The following POLA1 variants were observed in gnomAD, a reference collection of about 807,000 sequenced individuals.
POLA1 encodes the protein DNA polymerase alpha catalytic subunit.
Under a neutral mutation model 124.0 loss-of-function variants are expected in POLA1, and 15 were observed. That is an observed-to-expected ratio of 0.12 (90% CI 0.08 to 0.19). The LOEUF is 0.19. POLA1 is among the 10% of genes least tolerant of loss of function. POLA1 has a pLI of 1.00. For missense variants in POLA1, 886 were observed against 1,103.4 expected (o/e 0.80, Z 2.79); for synonymous variants, 408 against 389.4 (o/e 1.05, Z -0.56).
chrX:24,744,821 C>T (rs781276418), intron 23 of POLA1, among the ~76,000 whole-genome samples: 4 of 107,728 alleles, frequency 3.7e-5, no homozygotes, highest in Non-Finnish European at 5.8e-5. Flanking sequence ...CACGGTGTTG[C>T]GCGCCTGTAG....
At chrX:24,822,903 G>A (rs963017274) in intron 31 of POLA1, among the ~76,000 whole-genome samples, 6 of 111,465 alleles carry the variant, frequency 5.4e-5, no homozygotes, top group Admixed American at 1.9e-4. Context: ...TATAGGTTCA[G>A]TGAAATAGCA....
intron 36 of POLA1, among the ~76,000 whole-genome samples, chrX:24,990,505 A>G (rs928325427): frequency 1.8e-5 from 2 of 112,382 alleles, no homozygotes; most frequent in Non-Finnish European, 1.9e-5. Flanking sequence ...TCAATTATTC[A>G]TTCTCTGCAA....
chrX:24,893,545 A>G (rs1188538031), intron 35 of POLA1, among the ~76,000 whole-genome samples: 1 of 111,527 alleles, frequency 9.0e-6, no homozygotes, highest in Non-Finnish European at 1.9e-5. Flanking sequence ...AAAATTCCAT[A>G]TCTATTAAGC....
At chrX:24,841,872 A>G (rs779497131) in intron 33 of POLA1, 42 bp downstream of exon 33, 17 of 1,016,039 alleles carry the variant, frequency 1.7e-5, no homozygotes, top group Non-Finnish European at 2.2e-5. Flanking sequence ...GAACTTGTAT[A>G]AAGGCCTTAC....
intron 34 of POLA1, among the ~76,000 whole-genome samples, chrX:24,879,039 C>T (rs1255776546): frequency 9.0e-6 from 1 of 111,025 alleles, no homozygotes; most frequent in African/African-American, 3.3e-5. Context: ...TCCTTCCAGT[C>T]TTTTTTTTGT....
intron 35 of POLA1, among the ~76,000 whole-genome samples, chrX:24,901,784 TC>T (rs1337165448): frequency 1.8e-5 from 2 of 111,586 alleles, no homozygotes; most frequent in African/African-American, 6.5e-5. Context: ...GAGGAGAGAT[TC>T]CTTCTTACAG....
chrX:24,710,689 C>T (rs1266928227), intron 4 of POLA1, among the ~76,000 whole-genome samples: 30 of 80,832 alleles, frequency 3.7e-4, no homozygotes, highest in African/African-American at 1.4e-3. Flanking sequence ...TTTTTTGAGA[C>T]AGAGTCTCGC....
In POLA1 at chrX:24,742,130, A is replaced by G; in HGVS notation, c.2466+9A>G. 1 of 1,198,464 alleles carries G rather than the reference A, an allele frequency of 8.3e-7. No individual in the cohort carries two copies. The highest frequency in any genetic ancestry group is 3.0e-5 in the East Asian group (1 of 33,320). ...AGCCTCAGCAAAAACTGGTGGGTCC[A>G]AAACTGTGTAGTATTTTGTTTTCTC... On this transcript the variant is annotated intron_variant, in intron 22 of 36. Transcript: ENST00000379068.
intron 34 of POLA1, among the ~76,000 whole-genome samples, chrX:24,878,326 C>T (rs1384254437): frequency 1.8e-5 from 2 of 111,660 alleles, no homozygotes; most frequent in Non-Finnish European, 3.8e-5. Flanking sequence ...AAATACTAGT[C>T]TCTGAGCAAA....
intron 26 of POLA1, among the ~76,000 whole-genome samples, chrX:24,775,997 G>A (rs778703272): frequency 6.3e-5 from 7 of 111,545 alleles, no homozygotes; most frequent in Non-Finnish European, 1.3e-4. Flanking sequence ...GGATCTCACC[G>A]CTCTTGTAAC....
At chrX:24,914,890 A>G (rs2047508174) in intron 35 of POLA1, among the ~76,000 whole-genome samples, 1 of 112,062 alleles carries the variant, frequency 8.9e-6, no homozygotes, top group Non-Finnish European at 1.9e-5. Flanking sequence ...CCTGTGGGTT[A>G]AGGGAGATTA....
intron 34 of POLA1, among the ~76,000 whole-genome samples, chrX:24,844,106 A>G (rs1191169302): frequency 9.0e-6 from 1 of 111,568 alleles, no homozygotes; most frequent in Non-Finnish European, 1.9e-5. Context: ...ACACAAAACT[A>G]ATACTTTGTG....
intron 32 of POLA1, among the ~76,000 whole-genome samples, chrX:24,838,453 T>G (rs1441099895): frequency 2.7e-5 from 3 of 112,085 alleles, no homozygotes; most frequent in Admixed American, 1.9e-4. Flanking sequence ...GCAGGCTGCT[T>G]CTTCCTTCAT....
chrX:24,903,343 T>G (rs2047307944), intron 35 of POLA1, among the ~76,000 whole-genome samples: 2 of 112,813 alleles, frequency 1.8e-5, no homozygotes, highest in Admixed American at 1.9e-4. Flanking sequence ...TTGTTTTCTC[T>G]TCATTCTCAT....
intron 34 of POLA1, among the ~76,000 whole-genome samples, chrX:24,849,292 A>AT (rs2147076150): frequency 8.9e-6 from 1 of 112,743 alleles, no homozygotes; most frequent in South Asian, 3.7e-4. Flanking sequence ...AAGAAGGATA[A>AT]TTTTTTTAGG....
intron 1 of POLA1, among the ~76,000 whole-genome samples, chrX:24,695,424 G>A (rs1160761752): frequency 9.0e-6 from 1 of 110,576 alleles, no homozygotes; most frequent in African/African-American, 3.3e-5. Flanking sequence ...GCAGTGAAAA[G>A]TTGAAAGGTC....
chrX:24,794,166 A>C (rs1251147812), intron 26 of POLA1, among the ~76,000 whole-genome samples: 1 of 110,325 alleles, frequency 9.1e-6, no homozygotes, highest in African/African-American at 3.3e-5. Context: ...TTTAGTAGAG[A>C]TGGTGTTTCA....
intron 34 of POLA1, among the ~76,000 whole-genome samples, chrX:24,851,629 C>T (rs1010821889): frequency 2.7e-5 from 3 of 113,027 alleles, no homozygotes; most frequent in Non-Finnish European, 5.6e-5. Context: ...TATGGTTTGC[C>T]TCCTCTGACG....
chrX:24,850,483 C>T (rs1239551677), intron 34 of POLA1, among the ~76,000 whole-genome samples: 1 of 112,155 alleles, frequency 8.9e-6, no homozygotes, highest in Non-Finnish European at 1.9e-5. Flanking sequence ...CTAACATTTA[C>T]CTGTATTTTC....
Sources: allele counts gnomAD v4.1 joint callset (sites outside exome capture counted in the v4.1 genomes callset), GRCh38; gene constraint gnomAD v4.1.1; transcripts MANE v1.5; gene names NCBI Gene and HGNC (gene_info 2026-07-23, HGNC 2026-07-21).